The following TEP1 variants were observed in gnomAD, a reference collection of about 807,000 sequenced individuals.
TEP1 encodes telomerase protein component 1.
Under a neutral mutation model 306.3 loss-of-function variants are expected in TEP1, and 241 were observed. The ratio of observed to expected loss-of-function variants is 0.79; its 90% CI spans 0.71 to 0.88. TEP1 has a LOEUF of 0.88. Ranked by LOEUF, TEP1 falls within the 40% of genes least tolerant of loss-of-function variation. The pLI, the probability that TEP1 is intolerant of heterozygous loss-of-function variation, is 0.00. For synonymous variants in TEP1, 1,289 were observed against 1,305.5 expected (o/e 0.99, Z 0.27); for missense variants, 3,051 against 3,276.1 (o/e 0.93, Z 1.68).
intron 17 of TEP1, among the ~76,000 whole-genome samples, chr14:20,388,674 ACAAACTTGGCTGAATAC>A (rs1877422022): frequency 6.6e-6 from 1 of 152,250 alleles, no homozygotes; most frequent in African/African-American, 2.4e-5. Context: ...TGGATATAAT[ACAAACTTGGCTGAATAC>A]CAAGATGGCT....
intron 12 of TEP1, among the ~76,000 whole-genome samples, chr14:20,392,453 C>G (rs1439026506): frequency 6.6e-6 from 1 of 150,800 alleles, no homozygotes; most frequent in Non-Finnish European, 1.5e-5. Flanking sequence ...AAATCTAAAT[C>G]TGTTCGAGGC....
chr14:20,382,858 C>T, intron 27 of TEP1, 143 bp from the exon 28 acceptor site: 1 of 781,868 alleles, frequency 1.3e-6, no homozygotes, highest in Non-Finnish European at 2.1e-6. Flanking sequence ...TCCCAGGACA[C>T]AAACCATCCC....
Position 20,375,317 on chromosome 14 carries a change from TG to T in TEP1, c.6363+437del, listed in dbSNP as rs563133782. Among the ~76,000 whole-genome samples the T allele has an allele frequency of 1.6e-4, 24 of 152,182 alleles. No homozygotes were observed. In the South Asian group the frequency reaches 3.5e-3, roughly 22 times the overall value. ...GATTACAGGCATGTGTCACCACGCC[TG>T]GCTAATTTTGTATCTTTAGTAGAGA... is the stretch of plus-strand genomic sequence containing the variant. On this transcript the variant is annotated intron_variant, in intron 43 of 54. Transcript: ENST00000262715.
At chr14:20,368,749 G>A (rs1884624099) in intron 54 of TEP1, 49 bp downstream of exon 54, 1 of 1,458,484 alleles carries the variant, frequency 6.9e-7, no homozygotes. Context: ...CTTTGGGATA[G>A]GTGTGCAGGC....
In TEP1 at chr14:20,368,373, A is replaced by G; in HGVS notation, c.*64T>C. ...ATTAATTTTATAATTATTAAAAGCT[A>G]CCAGTGTCTTCAGGCTTTGCATCTC... On this transcript the variant is annotated 3_prime_UTR_variant, in exon 55 of 55. Transcript: ENST00000262715. 1 of 1,536,748 alleles carries G rather than the reference A, an allele frequency of 6.5e-7. No homozygotes were observed. The highest frequency in any genetic ancestry group is 8.9e-7 in the Non-Finnish European group (1 of 1,127,876).
intron 27 of TEP1, 28 bp downstream of exon 27, chr14:20,383,146 A>G (rs201690589): frequency 6.4e-6 from 10 of 1,555,156 alleles, no homozygotes; most frequent in African/African-American, 1.4e-5. Context: ...CACCCCACAC[A>G]CCCACCGGCC....
intron 3 of TEP1, 56 bp from the exon 4 acceptor site, chr14:20,405,641 A>G: frequency 6.3e-7 from 1 of 1,592,668 alleles, no homozygotes; most frequent in Non-Finnish European, 8.6e-7. Context: ...GACCAACTTA[A>G]GCATCCATGC....
At position 20,377,589 on chromosome 14, in the gene TEP1, C is replaced by T. The variant is rs1464822897; in HGVS notation, c.5875+11G>A. The T allele has an allele frequency of 1.2e-6, 2 of 1,614,004 alleles. No individual in the cohort carries two copies. The highest frequency in any genetic ancestry group is 3.3e-5 in the Admixed American group (2 of 59,994). ...AAAGGCTCAAAAACCCACCCATTCCCATTTCAGTACCTGAAGAGATTTTGT... is the reference window on the plus strand; with the variant it reads ...AAAGGCTCAAAAACCCACCCATTCCTATTTCAGTACCTGAAGAGATTTTGT... On this transcript the variant is annotated intron_variant, in intron 40 of 54. Transcript: ENST00000262715.
chr14:20,373,429 C>G, intron 46 of TEP1, 27 bp from the exon 47 acceptor site: 1 of 1,614,062 alleles, frequency 6.2e-7, no homozygotes, highest in Non-Finnish European at 8.5e-7. Flanking sequence ...GAGATGGGCT[C>G]ATGAGAGTGG....
Position 20,403,861 on chromosome 14 carries a change from A to C in TEP1, c.1056T>G (p.Asn352Lys). ...LYQSLAEGDKNKLVPLPACLR... is the reference protein window; with the variant it reads ...LYQSLAEGDKKKLVPLPACLR... Reference sequence around the variant, plus strand: ...GACAGGCGGGCAGGGGCACCAGCTTATTCTTATCTCCCTCAGCCAGGCTCT... The same window carrying C: ...GACAGGCGGGCAGGGGCACCAGCTTCTTCTTATCTCCCTCAGCCAGGCTCT... The change falls in exon 6 of 55, where the codon AAT becomes AAG. Residue 352 changes from asparagine to lysine, a missense_variant. Asn to Lys is a moderately conservative substitution (Grantham distance 94). Transcript: ENST00000262715. 6.2e-7 allele frequency: 1 copy of C among 1,614,096 alleles called. No homozygotes were observed. Among genetic ancestry groups the C allele is most frequent in the Non-Finnish European group, 8.5e-7 (1 of 1,180,022 alleles).
chr14:20,379,078 C>T lies in TEP1; in HGVS notation c.5155G>A (p.Asp1719Asn). ...AGGAACAAACAAGCAGAGATTCCAT[C>T]ACAGCCACTCACCACAGACTTCTCC... is the stretch of plus-strand genomic sequence containing the variant. ...QEEKSVVSGC[D>N]GISACLFLSD... Residue 1719 changes from aspartate (D) to asparagine (N), a missense_variant, in exon 36 of 55, where the codon GAT becomes AAT. Asp to Asn is a conservative substitution (Grantham distance 23). Coordinates refer to ENST00000262715, the MANE Select transcript of TEP1 (RefSeq NM_007110.5). 1 of 1,614,176 alleles carries T rather than the reference C, an allele frequency of 6.2e-7. No homozygotes were observed. Among genetic ancestry groups the T allele is most frequent in the Non-Finnish European group, 8.5e-7 (1 of 1,180,032 alleles).
rs1876512505 is a variant in TEP1 at position 20,381,360 on chromosome 14, A to C, written c.4600T>G (p.Phe1534Val). Residue 1534 changes from phenylalanine (F) to valine (V), a missense_variant, in exon 32 of 55, where the codon TTC becomes GTC. By Grantham distance (50) the Phe-to-Val change is conservative (BLOSUM62 -1). Coordinates refer to ENST00000262715, the MANE Select transcript of TEP1 (RefSeq NM_007110.5). The surrounding 1 kb of genome is among the most constrained non-coding windows in gnomAD (Gnocchi z 4.0). ...KTCDADASGT[F>V]RSCPPEALGD... ...AGAGCCTCAGGAGGGCAACTTCGGA[A>C]GGTGCCTGAGGCATCAGCGTCACAT... is the stretch of plus-strand genomic sequence containing the variant. The C allele has an allele frequency of 6.2e-7, 1 of 1,614,170 alleles. No individual in the cohort carries two copies. Among genetic ancestry groups the C allele is most frequent in the Non-Finnish European group, 8.5e-7 (1 of 1,180,012 alleles).
rs775019501 is a variant in TEP1 at position 20,383,847 on chromosome 14, AGAAAAGT to A, written c.3599_3605del (p.His1200LeufsTer25). 5.7e-5 allele frequency: 91 copies of A among 1,605,000 alleles called. No individual in the cohort carries two copies. The highest frequency in any genetic ancestry group is 7.6e-5 in the Non-Finnish European group (90 of 1,179,230). On this transcript the variant is annotated frameshift_variant, in exon 25 of 55. Coordinates refer to ENST00000262715, the MANE Select transcript of TEP1 (RefSeq NM_007110.5). LOFTEE classifies it high-confidence loss of function. ...CAAGACCCTGGTCAGGACGAGCCCCAGAAAAGTGGAAGAAGACTAATGATGCCACCTT... is the reference window on the plus strand; with the variant it reads ...CAAGACCCTGGTCAGGACGAGCCCCAGGAAGAAGACTAATGATGCCACCTT...
At chr14:20,375,467 T>C (rs1420312598) in intron 43 of TEP1, among the ~76,000 whole-genome samples, 1 of 152,152 alleles carries the variant, frequency 6.6e-6, no homozygotes, top group Non-Finnish European at 1.5e-5. Flanking sequence ...GGCTTTCTTA[T>C]TAGAGAGTTC....
rs747187563 is a variant in TEP1 at position 20,408,240 on chromosome 14, T to C, written c.200A>G (p.Tyr67Cys). The change falls in exon 2 of 55, where the codon TAT (tyrosine) becomes TGT (cysteine). Residue 67 changes from tyrosine (Y) to cysteine (C), a missense_variant. Tyr to Cys is a radical substitution (Grantham distance 194). This residue lies in a region of TEP1 where 1,507 missense variants were observed against 1,550.5 expected (regional missense o/e 0.97). Coordinates refer to ENST00000262715, the MANE Select transcript of TEP1 (RefSeq NM_007110.5). ...DLKTMEKPHG[Y>C]VSAHPDILSL... Reference sequence around the variant, plus strand: ...GAGGATGTCTGGGTGGGCAGACACATATCCATGTGGTTTTTCCATGGTCTT... The same window carrying C: ...GAGGATGTCTGGGTGGGCAGACACACATCCATGTGGTTTTTCCATGGTCTT... The C allele has an allele frequency of 1.9e-6, 3 of 1,613,578 alleles. No individual in the cohort carries two copies. The highest frequency in any genetic ancestry group is 1.1e-5 in the South Asian group (1 of 91,076).
At position 20,393,391 on chromosome 14, in the gene TEP1, A is replaced by T. The variant is rs936519452; in HGVS notation, c.1929-1624T>A. On this transcript the variant is annotated intron_variant, in intron 12 of 54. Transcript: ENST00000262715. The stretch of plus-strand genomic sequence containing the variant: ...TAGTCTTCCCAGCACTATCCAATAG[A>T]ATTCAATTACAATTAAATCAAATTA... Among the ~76,000 whole-genome samples the T allele has an allele frequency of 2.6e-5, 4 of 152,246 alleles. No individual in the cohort carries two copies. In the East Asian group the frequency reaches 7.7e-4, roughly 29 times the overall value.
chr14:20,385,749 G>A (rs995201704), intron 20 of TEP1, among the ~76,000 whole-genome samples: 6 of 152,150 alleles, frequency 3.9e-5, no homozygotes, highest in Non-Finnish European at 2.9e-5. Context: ...GGGAAATGGA[G>A]GCTAGGTCAG....
chr14:20,373,682 A>G lies in TEP1; in HGVS notation c.6600T>C (p.Arg2200=). The change falls in exon 45 of 55, where the codon CGT becomes CGC. Residue 2200 remains arginine (R), a synonymous_variant. Coordinates refer to ENST00000262715, the MANE Select transcript of TEP1 (RefSeq NM_007110.5). Reference sequence around the variant, plus strand: ...AGGTGGCTGACGTTTTGTTACCTGCACGGGGCTCCATGGCAGCTGCACAGT... The same window carrying G: ...AGGTGGCTGACGTTTTGTTACCTGCGCGGGGCTCCATGGCAGCTGCACAGT... The part of the protein sequence containing the change: ...ISHCAAAMEP[R]AAGQPGSELL... 1 of 1,614,182 alleles carries G rather than the reference A, an allele frequency of 6.2e-7. No homozygotes were observed. Among genetic ancestry groups the G allele is most frequent in the Non-Finnish European group, 8.5e-7 (1 of 1,180,034 alleles).
At chr14:20,371,197 A>C in intron 51 of TEP1, 21 bp downstream of exon 51, 1 of 1,601,656 alleles carries the variant, frequency 6.2e-7, no homozygotes. Flanking sequence ...TTGCTTTAGC[A>C]CACACTCAAA....
Sources: gnomAD v4.1 joint callset for allele counts (sites outside exome capture counted in the v4.1 genomes callset) on GRCh38, gnomAD v4.1.1 for gene constraint, gnomAD v4.1.1 regional missense constraint, Gnocchi (gnomAD v3.1) non-coding constraint, MANE v1.5 for transcripts, NCBI Gene and HGNC (gene_info 2026-07-23, HGNC 2026-07-21) for gene names.